Variants in DOCK8 observed in about 807,000 individuals in gnomAD.
The protein encoded by DOCK8 is dedicator of cytokinesis protein 8.
A neutral mutation model predicts 245.6 loss-of-function variants in DOCK8; 141 were observed. That is an observed-to-expected ratio of 0.57 (90% CI 0.50 to 0.66). DOCK8 has a LOEUF of 0.66. Ranked by LOEUF, DOCK8 falls within the 30% of genes least tolerant of loss-of-function variation. The probability of loss-of-function intolerance (pLI) is 0.00; values close to 1 mark genes in which losing one functional copy is unlikely to be tolerated. For synonymous variants in DOCK8, 1,168 were observed against 970.2 expected (o/e 1.20, Z -3.79); for missense variants, 2,965 against 2,603.4 (o/e 1.14, Z -3.02).
At chr9:379,605 G>A (rs1347736026) in intron 20 of DOCK8, among the ~76,000 whole-genome samples, 166 bp from the exon 21 acceptor site, 1 of 152,176 alleles carries the variant, frequency 6.6e-6, no homozygotes, top group Admixed American at 6.5e-5. Context: ...GGCATCTGTG[G>A]TACTCAGAGC....
intron 43 of DOCK8, among the ~76,000 whole-genome samples, 157 bp downstream of exon 43, chr9:443,673 AAAG>A (rs2057162132): frequency 6.6e-6 from 1 of 152,330 alleles, no homozygotes; most frequent in African/African-American, 2.4e-5. Context: ...GTCAGATCTT[AAAG>A]AAAATATAGT....
rs1216438394 is a variant in DOCK8, at chr9:345,618, A to G, written c.1679+5297A>G. ...TACCTGTCTTAAAGGAGCAGCTGCC[A>G]TAGTGCCTCAGGTAAAGTTGGCTTG... On this transcript the variant is annotated intron_variant, in intron 14 of 47. Coordinates refer to ENST00000432829, the MANE Select transcript of DOCK8 (RefSeq NM_203447.4). 2.6e-5 allele frequency among the ~76,000 whole-genome samples: 4 copies of G among 152,294 alleles called. No homozygotes were observed. The South Asian group carries it at 8.3e-4, about 32-fold the overall frequency.
intron 2 of DOCK8, among the ~76,000 whole-genome samples, chr9:283,553 T>A (rs1323094540): frequency 6.6e-6 from 1 of 152,080 alleles, no homozygotes; most frequent in Non-Finnish European, 1.5e-5. Context: ...CCCCCTCCCA[T>A]CTTCCCACCT....
At chr9:462,096 C>T (rs770250164) in intron 46 of DOCK8, among the ~76,000 whole-genome samples, 1 of 151,262 alleles carries the variant, frequency 6.6e-6, no homozygotes, top group African/African-American at 2.4e-5. Flanking sequence ...TTGTTTGATG[C>T]ATCTGTTAGT....
At chr9:412,224 C>G (rs986463832) in intron 28 of DOCK8, among the ~76,000 whole-genome samples, 2 of 151,944 alleles carry the variant, frequency 1.3e-5, no homozygotes, top group Non-Finnish European at 2.9e-5. Flanking sequence ...AGCAACATGG[C>G]AAAACGCCAT....
At chr9:311,418 C>CTT (rs527490172) in intron 5 of DOCK8, among the ~76,000 whole-genome samples, 4,039 of 139,198 alleles carry the variant, frequency 0.029, 74 homozygotes, top group South Asian at 0.093. Context: ...CTAAGTTTTG[C>CTT]TTTTTTTTTT....
chr9:219,214 A>G (rs2046830924), intron 1 of DOCK8, among the ~76,000 whole-genome samples: 1 of 152,218 alleles, frequency 6.6e-6, no homozygotes, highest in South Asian at 2.1e-4. Flanking sequence ...TCACGCCTGT[A>G]ATCTCAGCAT....
Position 439,311 on chromosome 9 carries a change from G to A in DOCK8, c.5146G>A (p.Gly1716Arg). The A allele has an allele frequency of 3.7e-6, 6 of 1,614,180 alleles. No individual in the cohort carries two copies. Among genetic ancestry groups the A allele is most frequent in the African/African-American group, 1.3e-5 (1 of 75,052 alleles). ...GGACACCCTGTCACCTGACGAGGAT[G>A]GGGTGTGCGCAGGCCAGTACTTCAC... ...SEDTLSPDED[G>R]VCAGQYFTES... is the part of the protein sequence containing the mutation. The change falls in exon 40 of 48, where the codon GGG (glycine) becomes AGG (arginine). Residue 1716 changes from glycine (G) to arginine (R), a missense_variant. Physicochemically the swap from Gly to Arg is moderately radical, Grantham distance 125. Around this residue, in one of 3 missense-constraint regions of DOCK8, gnomAD observed 2,825 missense variants for 2,453.5 expected, o/e 1.15. Transcript: ENST00000432829.
At chr9:306,657 G>T (rs562044877) in intron 5 of DOCK8, among the ~76,000 whole-genome samples, 5 of 152,300 alleles carry the variant, frequency 3.3e-5, no homozygotes, top group African/African-American at 1.2e-4. Flanking sequence ...CTCCCAGAGG[G>T]TTTGTTCAAA....
Position 377,101 on chromosome 9 carries a change from T to G in DOCK8, c.2330T>G (p.Ile777Ser). 6.2e-7 allele frequency: 1 copy of G among 1,612,258 alleles called. No homozygotes were observed. The highest frequency in any genetic ancestry group is 8.5e-7 in the Non-Finnish European group (1 of 1,179,952). Reference protein sequence around the residue: ...MALEHELKLSIICLNSSRLEP... With the variant: ...MALEHELKLSSICLNSSRLEP... The stretch of plus-strand genomic sequence containing the variant: ...CTGGAGCATGAGCTGAAGCTCAGCA[T>G]CATCTGCCTGAACTCCTCCCGCCTG... The change falls in exon 20 of 48, where the codon ATC becomes AGC. Residue 777 changes from isoleucine (I) to serine (S), a missense_variant. Around this residue, in one of 3 missense-constraint regions of DOCK8, gnomAD observed 2,825 missense variants for 2,453.5 expected, o/e 1.15. Transcript: ENST00000432829.
At position 215,463 on chromosome 9, in the gene DOCK8, T is replaced by C. The variant is rs1240876854; in HGVS notation, c.53+434T>C. The C allele has an allele frequency of 7.4e-6, 11 of 1,485,772 alleles. 1 individual carries two copies. The highest frequency in any genetic ancestry group is 7.2e-5 in the Admixed American group (3 of 41,686). The allele number at this position is 1,485,772 out of a possible 1,614,324, so 92.0% of individuals were successfully genotyped here. A position where few individuals can be genotyped will look rare whatever the true frequency, so the allele number is the denominator to read the frequency against. ...AGAAGTGAAGTGGCTGAAATTAGAG[T>C]TGCGTTTGAGGCAGGCTGCAAGCCT... is the stretch of plus-strand genomic sequence containing the variant. On this transcript the variant is annotated intron_variant, in intron 1 of 47. Transcript: ENST00000432829.
Position 312,146 on chromosome 9 carries a change from C to G in DOCK8, c.721C>G (p.Leu241Val). Residue 241 changes from leucine (L) to valine (V), a missense_variant, in exon 6 of 48, where the codon CTT becomes GTT. Transcript: ENST00000432829. ...CAATAGGCAGGCCGAGCTCTTTGCC[C>G]TTTACCCATCAGTGGACGAGGTGGG... ...RTNRQAELFA[L>V]YPSVDEEDAV... is the part of the protein sequence containing the mutation. The G allele has an allele frequency of 2.5e-6, 4 of 1,614,202 alleles. No homozygotes were observed. The highest frequency in any genetic ancestry group is 3.4e-6 in the Non-Finnish European group (4 of 1,180,034).
At chr9:211,262 G>A (rs951917763), upstream of DOCK8, among the ~76,000 whole-genome samples, 1 of 152,104 alleles carries the variant, frequency 6.6e-6, no homozygotes, top group South Asian at 2.1e-4. Context: ...TGGGCAGACA[G>A]GAGCACCGCC....
rs552102264 is a variant in DOCK8, at chr9:335,478, G to A, written c.1285+1094G>A. On this transcript the variant is annotated intron_variant, in intron 11 of 47. Coordinates refer to ENST00000432829, the MANE Select transcript of DOCK8 (RefSeq NM_203447.4). ...GAGGAAAGGGCATTTTGTGATTGCT[G>A]CTGCTATTTTGGAGTTACTGGTACA... 8.5e-5 allele frequency among the ~76,000 whole-genome samples: 13 copies of A among 152,238 alleles called. No individual in the cohort carries two copies. In the South Asian group the frequency reaches 2.7e-3, roughly 32 times the overall value.
intron 37 of DOCK8, among the ~76,000 whole-genome samples, chr9:433,405 T>C (rs940987141): frequency 1.3e-5 from 2 of 152,320 alleles, no homozygotes; most frequent in East Asian, 3.9e-4. Context: ...GGACCTCCAC[T>C]GTTGGTTTTA....
chr9:363,068 A>G (rs115704948), intron 14 of DOCK8, among the ~76,000 whole-genome samples: 34 of 152,362 alleles, frequency 2.2e-4, no homozygotes, highest in African/African-American at 7.9e-4. Flanking sequence ...ATCAGTGGAA[A>G]GAATTTGGAG....
chr9:215,917 A>C (rs2479318), intron 1 of DOCK8, among the ~76,000 whole-genome samples: 10 of 151,980 alleles, frequency 6.6e-5, no homozygotes, highest in African/African-American at 2.4e-4. Flanking sequence ...TAAAGTGTCA[A>C]CTTATTCTAT....
chr9:351,949 C>T (rs1212512023), intron 14 of DOCK8, among the ~76,000 whole-genome samples: 1 of 152,190 alleles, frequency 6.6e-6, no homozygotes. Flanking sequence ...TTAGCATTTA[C>T]CTAATCAATG....
At position 400,833 on chromosome 9, in the gene DOCK8, T is replaced by TCCACCAC. The variant is rs2054961840; in HGVS notation, c.3234+1575_3234+1576insCACCACC. Among the ~76,000 whole-genome samples the TCCACCAC allele has an allele frequency of 8.8e-4, 3 of 3,420 alleles. 1 individual carries two copies. Among genetic ancestry groups the TCCACCAC allele is most frequent in the African/African-American group, 2.3e-3 (1 of 432 alleles). 2.2% of individuals were successfully genotyped at this position (3,420 alleles called of 152,430 possible). ...ATCACCACCACCTCCACCATCACCATCACCACCACCTCCACCATCACCACC... is the reference window on the plus strand; with the variant it reads ...ATCACCACCACCTCCACCATCACCATCCACCACCACCACCACCTCCACCATCACCACC... On this transcript the variant is annotated intron_variant, in intron 26 of 47. Transcript: ENST00000432829.
Sources: gnomAD v4.1 joint callset for allele counts (sites outside exome capture counted in the v4.1 genomes callset) on GRCh38, gnomAD v4.1.1 for gene constraint, gnomAD v4.1.1 regional missense constraint, MANE v1.5 for transcripts, NCBI Gene and HGNC (gene_info 2026-07-23, HGNC 2026-07-21) for gene names.